The following INAVA variants were observed in gnomAD, a reference collection of about 807,000 sequenced individuals.
The protein encoded by INAVA is innate immunity activator.
A neutral mutation model predicts 55.3 loss-of-function variants in INAVA; 32 were observed. The observed-to-expected ratio is 0.58, with a 90% CI of 0.44 to 0.78. INAVA has a LOEUF of 0.78. Ranked by LOEUF, INAVA falls within the 30% of genes least tolerant of loss-of-function variation. The pLI, the probability that INAVA is intolerant of heterozygous loss-of-function variation, is 0.00. For missense variants in INAVA, 756 were observed against 786.4 expected (o/e 0.96, Z 0.46); for synonymous variants, 294 against 329.4 (o/e 0.89, Z 1.16).
Position 200,914,250 on chromosome 1 carries a change from T to C in INAVA, c.*621T>C, listed in dbSNP as rs1222857295. The C allele has an allele frequency of 1.3e-5, 2 of 152,380 alleles. No homozygotes were observed. The highest frequency in any genetic ancestry group is 2.4e-5 in the African/African-American group (1 of 41,420). The allele number at this position is 152,380 out of a possible 1,614,324, so 9.4% of individuals were successfully genotyped here. ...CCTGCTATTTTCCTGACCCCCTAAATCCTCTTTAGGGACCCAGTCACTATA... is the reference window on the plus strand; with the variant it reads ...CCTGCTATTTTCCTGACCCCCTAAACCCTCTTTAGGGACCCAGTCACTATA... On this transcript the variant is annotated 3_prime_UTR_variant, in exon 10 of 10. Coordinates refer to ENST00000413687, the MANE Select transcript of INAVA (RefSeq NM_001142569.3).
intron 1 of INAVA, 108 bp from the exon 2 acceptor site, chr1:200,898,199 G>A (rs1571860119): frequency 7.3e-6 from 9 of 1,237,096 alleles, no homozygotes; most frequent in East Asian, 2.3e-5. Context: ...GGTTCCTGAA[G>A]CACAGTCCTC....
In INAVA at chr1:200,900,766, C is replaced by T. The variant is rs144913738; in HGVS notation, c.298-171C>T. Among the ~76,000 whole-genome samples, 338 of 152,326 alleles carry T rather than the reference C, an allele frequency of 2.2e-3. 2 individuals are homozygous for T. The highest frequency in any genetic ancestry group is 4.1e-3 in the Non-Finnish European group (279 of 68,016). On this transcript the variant is annotated intron_variant, in intron 4 of 9. Coordinates refer to ENST00000413687, the MANE Select transcript of INAVA (RefSeq NM_001142569.3). ...TGACAAGTTTGCTTTTCGGCTCCTC[C>T]CACTCCTTCACCCTCTGCTCCACGT...
chr1:200,911,438 T>C lies in INAVA; in HGVS notation c.960-15T>C. 1 of 1,602,036 alleles carries C rather than the reference T, an allele frequency of 6.2e-7. No individual in the cohort carries two copies. Among genetic ancestry groups the C allele is most frequent in the East Asian group, 2.2e-5 (1 of 44,616 alleles). Reference sequence around the variant, plus strand: ...CTGCCCCCCACACTCAGAATGCCTCTCTTTCCCTCTTCAGGGTGGATTCCT... The same window carrying C: ...CTGCCCCCCACACTCAGAATGCCTCCCTTTCCCTCTTCAGGGTGGATTCCT... On this transcript the variant is annotated splice_polypyrimidine_tract_variant and intron_variant, in intron 8 of 9. Coordinates refer to ENST00000413687, the MANE Select transcript of INAVA (RefSeq NM_001142569.3).
chr1:200,900,886 G>A, intron 4 of INAVA, 51 bp from the exon 5 acceptor site: 7 of 1,413,032 alleles, frequency 5.0e-6, no homozygotes, highest in Non-Finnish European at 6.7e-6. Context: ...CACCCTCTGG[G>A]CCCCCAATCT....
Position 200,911,876 on chromosome 1 carries a change from C to G in INAVA, c.1383C>G (p.Tyr461Ter). 6.3e-7 allele frequency: 1 copy of G among 1,588,918 alleles called. No individual in the cohort carries two copies. Among genetic ancestry groups the G allele is most frequent in the Non-Finnish European group, 8.5e-7 (1 of 1,174,478 alleles). ...GCCGCGCAGCCCCGGGCCCTGCTTA[C>G]GAGGAGGAGGGCACTCCCCTGCGCT... ...ELRRAAPGPA[Y>*]EEEGTPLRYQ... The change falls in exon 9 of 10, where the codon TAC becomes TAG. Residue 461 changes from tyrosine to a stop codon, truncating the protein, a stop_gained. Transcript: ENST00000413687. LOFTEE classifies it high-confidence loss of function.
At chr1:200,891,603 G>C (rs141245080), upstream of INAVA, 10,552 of 1,562,952 alleles carry the variant, frequency 6.8e-3, 51 homozygotes, top group Non-Finnish European at 8.5e-3. Context: ...GGGAGGCTCG[G>C]GGGGAGGGAA....
chr1:200,901,372 ACT>A (rs1653247761), intron 5 of INAVA, among the ~76,000 whole-genome samples: 1 of 151,540 alleles, frequency 6.6e-6, no homozygotes, highest in Non-Finnish European at 1.5e-5. Flanking sequence ...AAAACACCCT[ACT>A]CTCTCCTTCC....
In INAVA at chr1:200,914,212, T is replaced by C. The variant is rs1186941441; in HGVS notation, c.*583T>C. 1 of 152,790 alleles carries C rather than the reference T, an allele frequency of 6.5e-6. No individual in the cohort carries two copies. The highest frequency in any genetic ancestry group is 1.5e-5 in the Non-Finnish European group (1 of 68,420). The allele number at this position is 152,790 out of a possible 1,614,324, so 9.5% of individuals were successfully genotyped here. A position where few individuals can be genotyped will look rare whatever the true frequency, so the allele number is the denominator to read the frequency against. On this transcript the variant is annotated 3_prime_UTR_variant, in exon 10 of 10. Coordinates refer to ENST00000413687, the MANE Select transcript of INAVA (RefSeq NM_001142569.3). ...AGGTCAGTATATCCCGGTGGTGTAT[T>C]GTCTTGCTAGACCCTGCTATTTTCC... is the stretch of plus-strand genomic sequence containing the variant.
intron 5 of INAVA, among the ~76,000 whole-genome samples, chr1:200,901,500 G>A (rs1192004470): frequency 6.6e-6 from 1 of 152,228 alleles, no homozygotes; most frequent in East Asian, 1.9e-4. Context: ...TGGCCCCGCT[G>A]CCCTCCAGGC....
At chr1:200,907,531 C>T (rs114767872) in intron 5 of INAVA, among the ~76,000 whole-genome samples, 4,955 of 152,128 alleles carry the variant, frequency 0.033, 236 homozygotes, top group African/African-American at 0.098. Flanking sequence ...TGCTGGCATG[C>T]CCCTGTGGTC....
intron 5 of INAVA, among the ~76,000 whole-genome samples, chr1:200,905,158 A>G (rs551519999): frequency 6.6e-6 from 1 of 152,356 alleles, no homozygotes; most frequent in Admixed American, 6.5e-5. Flanking sequence ...CAAGCAAAGC[A>G]TGGGCTGGCT....
At chr1:200,891,995 G>C (rs1035820602), upstream of INAVA, among the ~76,000 whole-genome samples, 4 of 152,332 alleles carry the variant, frequency 2.6e-5, no homozygotes, top group Admixed American at 1.3e-4. Context: ...AGGGCGCAGT[G>C]GGGGAGGGGA....
At chr1:200,901,279 G>T in intron 5 of INAVA, 120 bp downstream of exon 5, 1 of 996,174 alleles carries the variant, frequency 1.0e-6, no homozygotes. Flanking sequence ...CTGATTCTTG[G>T]GTTCAGCTCC....
rs1571873514 is a variant in INAVA at position 200,911,576 on chromosome 1, C to T, written c.1083C>T (p.Pro361=). The part of the protein sequence containing the change: ...SCFPATKPPL[P]HAACHSCSED... ...TTCCCGCGACCAAGCCCCCGCTGCC[C>T]CACGCCGCCTGCCACTCCTGCTCAG... Residue 361 remains proline, a synonymous_variant, in exon 9 of 10, where the codon CCC becomes CCT. Transcript: ENST00000413687. 6.2e-7 allele frequency: 1 copy of T among 1,613,506 alleles called. No homozygotes were observed. The highest frequency in any genetic ancestry group is 1.7e-5 in the Admixed American group (1 of 59,988).
intron 5 of INAVA, chr1:200,903,071 G>A (rs1653330625): frequency 6.6e-6 from 1 of 152,268 alleles, no homozygotes; most frequent in Non-Finnish European, 1.5e-5. Context: ...GTCCTGTTGT[G>A]AGAGCACAGA....
Position 200,900,104 on chromosome 1 carries a change from G to A in INAVA, c.181G>A (p.Glu61Lys). ...TGGCTGGTCTCTGCTTCCTCCCCAG[G>A]AGCTGACGGGCACCTTGCCAGCGGA... is the stretch of plus-strand genomic sequence containing the variant. ...ELRRLCLREAELTGTLPAEYP... is the reference protein window; with the variant it reads ...ELRRLCLREAKLTGTLPAEYP... The change falls in exon 4 of 10, where the codon GAG (glutamate) becomes AAG (lysine). Residue 61 changes from glutamate (E) to lysine (K), a missense_variant and splice_region_variant. By Grantham distance (56) the Glu-to-Lys change is moderately conservative. Coordinates refer to ENST00000413687, the MANE Select transcript of INAVA (RefSeq NM_001142569.3). 1 of 1,610,760 alleles carries A rather than the reference G, an allele frequency of 6.2e-7. No homozygotes were observed.
chr1:200,905,571 T>C (rs572548091), intron 5 of INAVA, among the ~76,000 whole-genome samples: 8 of 152,054 alleles, frequency 5.3e-5, no homozygotes, highest in Non-Finnish European at 1.0e-4. Flanking sequence ...GGTTAAACCT[T>C]TGTGGAGCAA....
rs543258872 is a variant in INAVA, at chr1:200,913,055, T to C, written c.1645-482T>C. Among the ~76,000 whole-genome samples the C allele has an allele frequency of 7.9e-5, 12 of 152,318 alleles. No individual in the cohort carries two copies. The East Asian group carries it at 2.3e-3, about 29-fold the overall frequency. ...GCTCCAGAAGTTACCAACAAGCTGC[T>C]TCTTTGAGACCCCAGATTCCCAGCA... On this transcript the variant is annotated intron_variant, in intron 9 of 9. Coordinates refer to ENST00000413687, the MANE Select transcript of INAVA (RefSeq NM_001142569.3).
chr1:200,907,994 G>C, intron 6 of INAVA, 107 bp downstream of exon 6: 1 of 888,510 alleles, frequency 1.1e-6, no homozygotes. Flanking sequence ...TGAAGGCTAG[G>C]GTGCCAGGCT....
Sources: allele counts gnomAD v4.1 joint callset (sites outside exome capture counted in the v4.1 genomes callset), GRCh38; gene constraint gnomAD v4.1.1; transcripts MANE v1.5; gene names NCBI Gene and HGNC (gene_info 2026-07-23, HGNC 2026-07-21).